Variants in LMTK3 observed in about 807,000 individuals in gnomAD.
The protein encoded by LMTK3 is lemur tail kinase 3.
Under a neutral mutation model 116.7 loss-of-function variants are expected in LMTK3, and 27 were observed. The ratio of observed to expected loss-of-function variants is 0.23; its 90% confidence interval spans 0.17 to 0.32. The LOEUF (loss-of-function observed/expected upper bound fraction) is 0.32, where lower values mean the gene tolerates loss of function less well. Ranked by LOEUF, LMTK3 falls within the 10% of genes least tolerant of loss-of-function variation. The pLI, the probability that LMTK3 is intolerant of heterozygous loss-of-function variation, is 1.00. For synonymous variants in LMTK3, 965 were observed against 971.0 expected (o/e 0.99, Z 0.11); for missense variants, 1,764 against 2,068.5 (o/e 0.85, Z 2.86).
intron 11 of LMTK3, among the ~76,000 whole-genome samples, chr19:48,496,296 C>CTTTTTTTTTTTTTT (rs1365263028): frequency 8.4e-5 from 12 of 142,188 alleles, no homozygotes; most frequent in African/African-American, 3.0e-4. Context: ...TTTTCTTTTT[C>CTTTTTTTTTTTTTT]TTTTCTTTTT....
At chr19:48,489,696 T>G (rs1037808946) in intron 14 of LMTK3, among the ~76,000 whole-genome samples, 3 of 152,202 alleles carry the variant, frequency 2.0e-5, no homozygotes, top group African/African-American at 7.2e-5. Context: ...ATGAGTTAGA[T>G]CCTGTTATCA....
chr19:48,498,007 G>A lies in LMTK3; in HGVS notation c.3062C>T (p.Thr1021Ile), dbSNP rs756956593. ...FPRNTERPPE[T>I]GPWRAPGPWE... ...GGGCCCTGGGGCTCTCCAAGGCCCA[G>A]TCTCTGGTGGCCTCTCCGTGTTCCT... The change falls in exon 11 of 15, where the codon ACT (threonine) becomes ATT (isoleucine). Residue 1021 changes from threonine (T) to isoleucine (I), a missense_variant. Thr to Ile is a moderately conservative substitution (Grantham distance 89). This residue lies in a region of LMTK3 where 1,028 missense variants were observed against 1,050.6 expected (regional missense o/e 0.98). Coordinates refer to ENST00000600059, the MANE Select transcript of LMTK3 (RefSeq NM_001388485.1). The A allele has an allele frequency of 6.8e-6, 11 of 1,611,924 alleles. No homozygotes were observed. In the African/African-American group the frequency reaches 1.3e-4, roughly 20 times the overall value.
Position 48,500,950 on chromosome 19 carries a change from G to C in LMTK3, c.1151+46C>G. 1 of 1,463,640 alleles carries C rather than the reference G, an allele frequency of 6.8e-7. No individual in the cohort carries two copies. The highest frequency in any genetic ancestry group is 9.0e-7 in the Non-Finnish European group (1 of 1,107,638). 90.7% of individuals were successfully genotyped at this position (1,463,640 alleles called of 1,614,324 possible). On this transcript the variant is annotated intron_variant, in intron 10 of 14. Coordinates refer to ENST00000600059, the MANE Select transcript of LMTK3 (RefSeq NM_001388485.1). This position sits in a 1 kb window ranked among gnomAD's most constrained non-coding sequence, Gnocchi z 4.0. ...CGAGGGGGGATGCTGGGACCATCCT[G>C]GGTGGGGTGCGGCAGGCCAGGAGCC...
In LMTK3 at chr19:48,509,481, G is replaced by A; in HGVS notation, c.394C>T (p.His132Tyr). 1 of 1,560,604 alleles carries A rather than the reference G, an allele frequency of 6.4e-7. No homozygotes were observed. Among genetic ancestry groups the A allele is most frequent in the African/African-American group, 1.4e-5 (1 of 73,610 alleles). Residue 132 changes from histidine (H) to tyrosine (Y), a missense_variant, in exon 4 of 15, where the codon CAC (histidine) becomes TAC (tyrosine). Physicochemically the swap from His to Tyr is moderately conservative, Grantham distance 83. Around this residue, in one of 7 missense-constraint regions of LMTK3, gnomAD observed 271 missense variants for 478.2 expected, o/e 0.57. Transcript: ENST00000600059. ...CCAATCTCCTGCAGGTAGCTCAGGTGCTGCCGGCTAAGGCCCAGGGGGGTG... is the reference window on the plus strand; with the variant it reads ...CCAATCTCCTGCAGGTAGCTCAGGTACTGCCGGCTAAGGCCCAGGGGGGTG... ...MTTPLGLSRQ[H>Y]LSYLQEIGSG...
intron 1 of LMTK3, 122 bp from the exon 2 acceptor site, chr19:48,510,714 T>G (rs747711783): frequency 2.1e-4 from 246 of 1,184,842 alleles, no homozygotes; most frequent in Non-Finnish European, 2.6e-4. Flanking sequence ...CCAGGGTCCC[T>G]TGGCAGAGGT....
At chr19:48,508,338 A>G (rs180884081) in intron 5 of LMTK3, among the ~76,000 whole-genome samples, 32 of 152,246 alleles carry the variant, frequency 2.1e-4, no homozygotes, top group Non-Finnish European at 4.3e-4. Context: ...CAGGGAACTC[A>G]CTACCTCACA....
chr19:48,490,524 CA>C (rs397860073), intron 14 of LMTK3, among the ~76,000 whole-genome samples: 557 of 48,052 alleles, frequency 0.012, 2 homozygotes, highest in South Asian at 0.08. Context: ...GACTCCGTCT[CA>C]AAAAAAAAAA....
rs1327216378 is a variant in LMTK3 at position 48,491,191 on chromosome 19, G to C, written c.4283C>G (p.Pro1428Arg). 6.4e-6 allele frequency: 9 copies of C among 1,405,128 alleles called. No individual in the cohort carries two copies. The highest frequency in any genetic ancestry group is 3.0e-5 in the Admixed American group (1 of 33,182). 87.0% of individuals were successfully genotyped at this position (1,405,128 alleles called of 1,614,324 possible). A position where few individuals can be genotyped will look rare whatever the true frequency, so the allele number is the denominator to read the frequency against. Residue 1428 changes from proline to arginine, a missense_variant, in exon 14 of 15, where the codon CCG becomes CGG. Pro to Arg is a moderately radical substitution (Grantham distance 103). Transcript: ENST00000600059. This position sits in a 1 kb window ranked among gnomAD's most constrained non-coding sequence, Gnocchi z 5.1. ...DFPLLPPPGPPLCFSRFSVSP... is the reference protein window; with the variant it reads ...DFPLLPPPGPRLCFSRFSVSP... The stretch of plus-strand genomic sequence containing the variant: ...GACGGAGAAGCGGGAGAAGCACAGC[G>C]GGGGGCCTGGAGGGGGGAGGAGGGG...
chr19:48,500,888 G>T lies in LMTK3; in HGVS notation c.1151+108C>A. On this transcript the variant is annotated intron_variant, in intron 10 of 14. Transcript: ENST00000600059. This position sits in a 1 kb window ranked among gnomAD's most constrained non-coding sequence, Gnocchi z 4.0. The stretch of plus-strand genomic sequence containing the variant: ...GACAGCCCCTCTTCACTCTTGAGGG[G>T]TATGGAGGGCAAACGGGATGTGGGT... 2 of 1,130,930 alleles carry T rather than the reference G, an allele frequency of 1.8e-6. No homozygotes were observed. Among genetic ancestry groups the T allele is most frequent in the Non-Finnish European group, 1.2e-6 (1 of 819,864 alleles). The allele number at this position is 1,130,930 out of a possible 1,614,324, so 70.1% of individuals were successfully genotyped here. A position where few individuals can be genotyped will look rare whatever the true frequency, so the allele number is the denominator to read the frequency against.
rs1324274194 is a variant in LMTK3, at chr19:48,499,566, C to T, written c.1503G>A (p.Ser501=). Residue 501 remains serine (S), a synonymous_variant, in exon 11 of 15, where the codon TCG becomes TCA. Coordinates refer to ENST00000600059, the MANE Select transcript of LMTK3 (RefSeq NM_001388485.1). ...GGGAPAWQPA[S]APPAPHANPS... is the part of the protein sequence containing the mutation. Reference sequence around the variant, plus strand: ...GGTTGGCGTGGGGGGCCGGGGGGGCCGACGCCGGCTGCCAGGCAGGTGCCC... The same window carrying T: ...GGTTGGCGTGGGGGGCCGGGGGGGCTGACGCCGGCTGCCAGGCAGGTGCCC... The T allele has an allele frequency of 2.0e-6, 3 of 1,523,012 alleles. No individual in the cohort carries two copies. Among genetic ancestry groups the T allele is most frequent in the South Asian group, 2.5e-5 (2 of 81,124 alleles). 94.3% of individuals were successfully genotyped at this position (1,523,012 alleles called of 1,614,324 possible).
At chr19:48,502,773 T>A in intron 6 of LMTK3, 136 bp downstream of exon 6, 1 of 852,288 alleles carries the variant, frequency 1.2e-6, no homozygotes. Flanking sequence ...CAGGCAGCAC[T>A]CATGAAATGT....
Position 48,491,417 on chromosome 19 carries a change from G to T in LMTK3, c.4215C>A (p.Asn1405Lys). 2 of 1,413,734 alleles carry T rather than the reference G, an allele frequency of 1.4e-6. No individual in the cohort carries two copies. The highest frequency in any genetic ancestry group is 2.4e-4 in the Middle Eastern group (1 of 4,200). The allele number at this position is 1,413,734 out of a possible 1,614,324, so 87.6% of individuals were successfully genotyped here. The change falls in exon 13 of 15, where the codon AAC (asparagine) becomes AAA (lysine). Residue 1405 changes from asparagine to lysine, a missense_variant. Transcript: ENST00000600059. This position sits in a 1 kb window ranked among gnomAD's most constrained non-coding sequence, Gnocchi z 5.1. The stretch of plus-strand genomic sequence containing the variant: ...GCCCGTCCTCACCAAAGCCGCTGTC[G>T]TTGCTGGGAAACCCATCTCCGGGGG... ...PATPGDGFPS[N>K]DSGFGGSFEW...
intron 7 of LMTK3, among the ~76,000 whole-genome samples, chr19:48,502,087 G>A (rs1206454661): frequency 5.1e-5 from 3 of 58,360 alleles, no homozygotes; most frequent in African/African-American, 2.2e-4. Context: ...CCCCTCTCCT[G>A]GCTCCTCCTC....
At chr19:48,490,109 G>A (rs1972196739) in intron 14 of LMTK3, among the ~76,000 whole-genome samples, 1 of 152,228 alleles carries the variant, frequency 6.6e-6, no homozygotes, top group Non-Finnish European at 1.5e-5. Context: ...TGAAACGCCA[G>A]GAAAGAAACC....
At chr19:48,488,200 C>CA (rs1972158624) in intron 14 of LMTK3, among the ~76,000 whole-genome samples, 1 of 152,168 alleles carries the variant, frequency 6.6e-6, no homozygotes, top group Admixed American at 6.5e-5. Flanking sequence ...AATGCACCCC[C>CA]ACCCTGTCCT....
rs139559777 is a variant in LMTK3, at chr19:48,506,819, C to G, written c.557+2032G>C. Among the ~76,000 whole-genome samples, 259 of 152,248 alleles carry G rather than the reference C, an allele frequency of 1.7e-3. 5 individuals are homozygous for G. In the East Asian group the frequency reaches 0.048, roughly 28 times the overall value. ...AGCTGGGATTACAGGCGCCTGCCCA[C>G]CACACCTGGCTAATGTTTGCATTTT... On this transcript the variant is annotated intron_variant, in intron 5 of 14. Transcript: ENST00000600059.
Position 48,491,157 on chromosome 19 carries a change from C to T in LMTK3, c.4317G>A (p.Ala1439=), listed in dbSNP as rs748101877. ...LCFSRFSVSP[A]LETPGPPARA... ...GGGCGGGTGGCCCCGGGGTCTCCAG[C>T]GCAGGCGAGACGGAGAAGCGGGAGA... The change falls in exon 14 of 15, where the codon GCG becomes GCA. Residue 1439 remains alanine, a synonymous_variant. Transcript: ENST00000600059. The surrounding 1 kb of genome is among the most constrained non-coding windows in gnomAD (Gnocchi z 5.1). 2.9e-6 allele frequency: 4 copies of T among 1,374,776 alleles called. No individual in the cohort carries two copies. Among genetic ancestry groups the T allele is most frequent in the Non-Finnish European group, 2.8e-6 (3 of 1,066,630 alleles). The allele number at this position is 1,374,776 out of a possible 1,614,324, so 85.2% of individuals were successfully genotyped here.
chr19:48,488,541 C>T (rs1272033778), intron 14 of LMTK3, among the ~76,000 whole-genome samples: 1 of 152,062 alleles, frequency 6.6e-6, no homozygotes, highest in Non-Finnish European at 1.5e-5. Flanking sequence ...CAGTGCACCC[C>T]CTGCCATCTC....
chr19:48,487,336 TG>T (rs1159938221), intron 14 of LMTK3, among the ~76,000 whole-genome samples: 3 of 151,984 alleles, frequency 2.0e-5, no homozygotes, highest in African/African-American at 7.3e-5. Flanking sequence ...CCAGCCCACC[TG>T]GCTAATTTTT....
Sources: gnomAD v4.1 joint callset for allele counts (sites outside exome capture counted in the v4.1 genomes callset) on GRCh38, gnomAD v4.1.1 for gene constraint, gnomAD v4.1.1 regional missense constraint, Gnocchi (gnomAD v3.1) non-coding constraint, MANE v1.5 for transcripts, NCBI Gene and HGNC (gene_info 2026-07-23, HGNC 2026-07-21) for gene names.